The following APCDD1L variants were observed in gnomAD, a reference collection of about 807,000 sequenced individuals.
The protein encoded by APCDD1L is protein APCDD1-like.
Under a neutral mutation model 24.2 loss-of-function variants are expected in APCDD1L, and 21 were observed. The ratio of observed to expected loss-of-function variants is 0.87; its 90% CI spans 0.61 to 1.25. The LOEUF (loss-of-function observed/expected upper bound fraction) is 1.25, where lower values mean the gene tolerates loss of function less well. APCDD1L is among the 50% of genes most tolerant of loss of function. APCDD1L has a pLI of 0.00. For synonymous variants in APCDD1L, 321 were observed against 323.6 expected, an observed-to-expected ratio of 0.99 and a Z score of 0.09; for missense variants, 704 against 711.7, an observed-to-expected ratio of 0.99 and a Z score of 0.12.
At chr20:58,507,800 A>G (rs1021896764) in intron 1 of APCDD1L, among the ~76,000 whole-genome samples, 1 of 152,232 alleles carries the variant, frequency 6.6e-6, no homozygotes, top group Non-Finnish European at 1.5e-5. Flanking sequence ...ATCAATAAGA[A>G]AAATGGTTTG....
chr20:58,502,635 C>T (rs994676327), intron 1 of APCDD1L, among the ~76,000 whole-genome samples: 2 of 150,276 alleles, frequency 1.3e-5, no homozygotes, highest in Non-Finnish European at 2.9e-5. Flanking sequence ...TATCTACAAA[C>T]ATAGTAAAGA....
Position 58,467,124 on chromosome 20 carries a change from G to A in APCDD1L, c.723C>T (p.Arg241=), listed in dbSNP as rs1989720887. The A allele has an allele frequency of 1.2e-6, 2 of 1,607,258 alleles. No homozygotes were observed. Among genetic ancestry groups the A allele is most frequent in the Non-Finnish European group, 1.7e-6 (2 of 1,179,190 alleles). The change falls in exon 3 of 4, where the codon CGC becomes CGT. Residue 241 remains arginine (R), a synonymous_variant. Transcript: ENST00000371149. The surrounding 1 kb of genome is among the most constrained non-coding windows in gnomAD (Gnocchi z 5.9). ...CACTCACCAGTGCGCTCTGCAGCGG[G>A]CGCTGGTAGCCCGTGGGCCGGTAGT... ...RRHYRPTGYQ[R]PLQSALHHVQ...
rs1424250929 is a variant in APCDD1L, at chr20:58,460,926, C to G, written c.1370G>C (p.Gly457Ala). 1.2e-6 allele frequency: 2 copies of G among 1,613,602 alleles called. No individual in the cohort carries two copies. Among genetic ancestry groups the G allele is most frequent in the Admixed American group, 1.7e-5 (1 of 59,988 alleles). ...SYQAPLVLCH[G>A]EAPDFSRPPQ... ...TGGCCTGGAGAAGTCGGGGGCCTCCCCATGACAGAGCACCAGGGGTGCTTG... is the reference window on the plus strand; with the variant it reads ...TGGCCTGGAGAAGTCGGGGGCCTCCGCATGACAGAGCACCAGGGGTGCTTG... Residue 457 changes from glycine to alanine, a missense_variant, in exon 4 of 4, where the codon GGG becomes GCG. Gly to Ala is a moderately conservative substitution (Grantham distance 60, BLOSUM62 0). Transcript: ENST00000371149. This position sits in a 1 kb window ranked among gnomAD's most constrained non-coding sequence, Gnocchi z 4.2.
At chr20:58,502,778 G>C (rs1286255415) in intron 1 of APCDD1L, among the ~76,000 whole-genome samples, 1 of 151,646 alleles carries the variant, frequency 6.6e-6, no homozygotes, top group African/African-American at 2.4e-5. Context: ...ATGTAAACAG[G>C]GAATATGTTT....
chr20:58,460,937 C>G lies in APCDD1L; in HGVS notation c.1359G>C (p.Val453=). ...KRPTSYQAPL[V]LCHGEAPDFS... is the part of the protein sequence containing the mutation. ...AGTCGGGGGCCTCCCCATGACAGAG[C>G]ACCAGGGGTGCTTGGTAGGAGGTGG... Residue 453 remains valine (V), a synonymous_variant, in exon 4 of 4, where the codon GTG becomes GTC. Coordinates refer to ENST00000371149, the MANE Select transcript of APCDD1L (RefSeq NM_153360.3). The surrounding 1 kb of genome is among the most constrained non-coding windows in gnomAD (Gnocchi z 4.2). 6.2e-7 allele frequency: 1 copy of G among 1,613,946 alleles called. No homozygotes were observed. Among genetic ancestry groups the G allele is most frequent in the South Asian group, 1.1e-5 (1 of 91,054 alleles).
chr20:58,484,591 G>A (rs1990085673), intron 1 of APCDD1L, among the ~76,000 whole-genome samples: 1 of 151,924 alleles, frequency 6.6e-6, no homozygotes, highest in South Asian at 2.1e-4. Context: ...TAGATTTAGC[G>A]ATCTTTGTGG....
At position 58,490,285 on chromosome 20, in the gene APCDD1L, A is replaced by G. The variant is rs184466517; in HGVS notation, c.50-19538T>C. ...CTTTCATGTATAAGCTATGAGATTT[A>G]CAACAACTTTCCCTAGACCAGCTTC... is the stretch of plus-strand genomic sequence containing the variant. On this transcript the variant is annotated intron_variant, in intron 1 of 3. Coordinates refer to ENST00000371149, the MANE Select transcript of APCDD1L (RefSeq NM_153360.3). Among the ~76,000 whole-genome samples the G allele has an allele frequency of 1.9e-3, 296 of 152,354 alleles. 1 individual carries two copies. Among genetic ancestry groups the G allele is most frequent in the Non-Finnish European group, 3.2e-3 (217 of 68,036 alleles).
At chr20:58,466,209 A>T (rs2123134480) in intron 3 of APCDD1L, among the ~76,000 whole-genome samples, 1 of 151,812 alleles carries the variant, frequency 6.6e-6, no homozygotes, top group South Asian at 2.1e-4. Context: ...CTTCTTCTAA[A>T]ATCTAGGTTA....
intron 1 of APCDD1L, among the ~76,000 whole-genome samples, chr20:58,507,240 C>T (rs1238404923): frequency 6.6e-6 from 1 of 152,190 alleles, no homozygotes; most frequent in African/African-American, 2.4e-5. Context: ...CTTGCTCCTC[C>T]TTACTTTCCA....
intron 3 of APCDD1L, among the ~76,000 whole-genome samples, chr20:58,462,549 C>G (rs34567790): frequency 6.6e-6 from 1 of 152,122 alleles, no homozygotes; most frequent in Admixed American, 6.5e-5. Flanking sequence ...CAAAAGCCAT[C>G]AAAATATGTC....
intron 1 of APCDD1L, among the ~76,000 whole-genome samples, chr20:58,484,163 A>G (rs760665056): frequency 6.6e-6 from 1 of 152,230 alleles, no homozygotes; most frequent in Non-Finnish European, 1.5e-5. Flanking sequence ...TGTGAGATAG[A>G]TTGTGCTTAA....
At position 58,515,066 on chromosome 20, in the gene APCDD1L, C is replaced by A. The variant is rs983119862; in HGVS notation, c.-359G>T. The A allele has an allele frequency of 1.5e-4, 32 of 219,008 alleles. No homozygotes were observed. Among genetic ancestry groups the A allele is most frequent in the Non-Finnish European group, 2.6e-4 (29 of 112,270 alleles). The allele number at this position is 219,008 out of a possible 1,614,324, so 13.6% of individuals were successfully genotyped here. ...TGGCCGTCGCCTTCCCCAAAGTCTTCGCAGTGGGCAAGGAGGCCTCCCCCA... is the reference window on the plus strand; with the variant it reads ...TGGCCGTCGCCTTCCCCAAAGTCTTAGCAGTGGGCAAGGAGGCCTCCCCCA... On this transcript the variant is annotated 5_prime_UTR_variant, in exon 1 of 4. Coordinates refer to ENST00000371149, the MANE Select transcript of APCDD1L (RefSeq NM_153360.3).
At chr20:58,511,328 T>C in intron 1 of APCDD1L, among the ~76,000 whole-genome samples, 1 of 152,244 alleles carries the variant, frequency 6.6e-6, no homozygotes, top group Non-Finnish European at 1.5e-5. Flanking sequence ...CTCCTTCCCT[T>C]TGCATTGGGC....
intron 3 of APCDD1L, among the ~76,000 whole-genome samples, chr20:58,463,440 G>C (rs1989650618): frequency 6.6e-6 from 1 of 152,190 alleles, no homozygotes; most frequent in African/African-American, 2.4e-5. Context: ...AGATGCTAAA[G>C]CAAATTGTGT....
In APCDD1L at chr20:58,508,994, G is replaced by A. The variant is rs1312881696; in HGVS notation, c.49+5665C>T. ...CGCACGTGTGTGTGCATGTGCATGC[G>A]TGTGTGTGTGTGTGTGTGTGTGTGG... On this transcript the variant is annotated intron_variant, in intron 1 of 3. Coordinates refer to ENST00000371149, the MANE Select transcript of APCDD1L (RefSeq NM_153360.3). This position sits in a 1 kb window ranked among gnomAD's most constrained non-coding sequence, Gnocchi z 4.0. 7.1e-5 allele frequency among the ~76,000 whole-genome samples: 1 copy of A among 14,154 alleles called. No homozygotes were observed. The highest frequency in any genetic ancestry group is 5.7e-3 in the East Asian group (1 of 174). 9.3% of individuals were successfully genotyped at this position (14,154 alleles called of 152,430 possible).
chr20:58,492,182 A>C (rs1304741405), intron 1 of APCDD1L, among the ~76,000 whole-genome samples: 2 of 152,262 alleles, frequency 1.3e-5, no homozygotes, highest in Non-Finnish European at 2.9e-5. Context: ...CAAGTGCAGA[A>C]AGCACAGAAA....
At chr20:58,495,970 G>A (rs1226098992) in intron 1 of APCDD1L, among the ~76,000 whole-genome samples, 1 of 152,190 alleles carries the variant, frequency 6.6e-6, no homozygotes. Context: ...CTTGGCCTGA[G>A]TTACAGAGGG....
intron 1 of APCDD1L, among the ~76,000 whole-genome samples, chr20:58,501,667 G>A (rs941643115): frequency 7.9e-5 from 12 of 152,204 alleles, no homozygotes; most frequent in Non-Finnish European, 5.9e-5. Flanking sequence ...AGTCCTGACA[G>A]TTCCACCTCC....
intron 1 of APCDD1L, among the ~76,000 whole-genome samples, chr20:58,491,652 T>TA (rs1174327163): frequency 1.3e-5 from 2 of 152,232 alleles, no homozygotes; most frequent in Non-Finnish European, 2.9e-5. Flanking sequence ...GTCTACCTTC[T>TA]ACAAACTGGT....
Sources: allele counts gnomAD v4.1 joint callset (sites outside exome capture counted in the v4.1 genomes callset), GRCh38; gene constraint gnomAD v4.1.1; non-coding constraint Gnocchi (gnomAD v3.1); transcripts MANE v1.5; gene names NCBI Gene and HGNC (gene_info 2026-07-23, HGNC 2026-07-21).